The following INTS9 variants were observed in gnomAD, a reference collection of about 807,000 sequenced individuals.
INTS9 encodes the protein integrator complex subunit 9.
In INTS9, 55 loss-of-function variants were observed where a neutral mutation model predicts 79.7. The observed-to-expected ratio is 0.69, with a 90% CI of 0.56 to 0.86. The LOEUF is 0.86. Ranked by LOEUF, INTS9 falls within the 40% of genes least tolerant of loss-of-function variation. The pLI is 0.00. For missense variants in INTS9, 721 were observed against 831.5 expected (o/e 0.87, Z 1.64); for synonymous variants, 319 against 325.2 (o/e 0.98, Z 0.20).
chr8:28,787,966 G>T, intron 10 of INTS9, 77 bp from the exon 11 acceptor site: 1 of 917,684 alleles, frequency 1.1e-6, no homozygotes, highest in Non-Finnish European at 1.7e-6. Context: ...TGGCAGCAGT[G>T]CAAATATTAA....
chr8:28,883,545 C>G (rs1416911956), intron 1 of INTS9, among the ~76,000 whole-genome samples: 1 of 152,120 alleles, frequency 6.6e-6, no homozygotes, highest in African/African-American at 2.4e-5. Flanking sequence ...AGCAATTTGG[C>G]CTTATCTGTT....
intron 5 of INTS9, 58 bp downstream of exon 5, chr8:28,837,579 T>C (rs891993300): frequency 1.3e-6 from 2 of 1,573,880 alleles, no homozygotes; most frequent in African/African-American, 1.4e-5. Context: ...GATAGCGTCA[T>C]CACTGAGGGA....
intron 1 of INTS9, among the ~76,000 whole-genome samples, chr8:28,860,504 T>G (rs1414721069): frequency 6.7e-6 from 1 of 149,364 alleles, no homozygotes; most frequent in Non-Finnish European, 1.5e-5. Flanking sequence ...TGAGATGGAG[T>G]CTCACTCTGT....
intron 13 of INTS9, 56 bp downstream of exon 13, chr8:28,777,773 T>G: frequency 2.5e-5 from 38 of 1,535,514 alleles, no homozygotes; most frequent in Non-Finnish European, 3.1e-5. Flanking sequence ...CACACAAGCA[T>G]GAGCCACACC....
intron 8 of INTS9, among the ~76,000 whole-genome samples, chr8:28,802,439 CAT>C (rs1196457279): frequency 6.6e-6 from 1 of 152,218 alleles, no homozygotes; most frequent in Non-Finnish European, 1.5e-5. Context: ...CCTTCTCCCT[CAT>C]AGACCCAAGG....
At chr8:28,772,806 CAAAAAAA>C (rs1269687377) in intron 14 of INTS9, among the ~76,000 whole-genome samples, 2 of 149,776 alleles carry the variant, frequency 1.3e-5, no homozygotes, top group Non-Finnish European at 3.0e-5. Context: ...GACTCCGTCT[CAAAAAAA>C]GAAAAAAAAA....
intron 2 of INTS9, among the ~76,000 whole-genome samples, chr8:28,855,167 CAG>C (rs1235393108): frequency 2.0e-5 from 3 of 152,180 alleles, no homozygotes; most frequent in Non-Finnish European, 4.4e-5. Flanking sequence ...GATGATCTCA[CAG>C]AGTCTTCCAA....
At chr8:28,801,814 T>C (rs1012918152) in intron 8 of INTS9, among the ~76,000 whole-genome samples, 2 of 152,114 alleles carry the variant, frequency 1.3e-5, no homozygotes, top group Non-Finnish European at 2.9e-5. Context: ...AGTTTTACCA[T>C]GTTGCCCAGC....
chr8:28,876,389 A>T (rs1428612531), intron 1 of INTS9, among the ~76,000 whole-genome samples: 1 of 152,224 alleles, frequency 6.6e-6, no homozygotes, highest in African/African-American at 2.4e-5. Context: ...ACTGCCTAGG[A>T]CACACAATAA....
chr8:28,771,287 C>T (rs1802524282), intron 14 of INTS9: 2 of 589,916 alleles, frequency 3.4e-6, no homozygotes, highest in African/African-American at 3.7e-5. Flanking sequence ...TTACTTCACC[C>T]TCATCCCCTC....
At chr8:28,888,347 T>A (rs1462194826) in intron 1 of INTS9, among the ~76,000 whole-genome samples, 1 of 151,970 alleles carries the variant, frequency 6.6e-6, no homozygotes, top group African/African-American at 2.4e-5. Flanking sequence ...AACCCAGGAG[T>A]TTGAGACCAG....
chr8:28,868,920 G>A (rs958854465), intron 1 of INTS9, among the ~76,000 whole-genome samples: 7 of 152,022 alleles, frequency 4.6e-5, no homozygotes, highest in African/African-American at 1.4e-4. Flanking sequence ...CCAACATGGC[G>A]AAACCCCGTC....
At chr8:28,846,058 A>G (rs1162019723) in intron 4 of INTS9, among the ~76,000 whole-genome samples, 1 of 152,184 alleles carries the variant, frequency 6.6e-6, no homozygotes, top group Non-Finnish European at 1.5e-5. Context: ...GGGCATGAGG[A>G]AAAAAGAGGA....
At chr8:28,878,632 T>G (rs1299501603) in intron 1 of INTS9, among the ~76,000 whole-genome samples, 1 of 151,030 alleles carries the variant, frequency 6.6e-6, no homozygotes, top group East Asian at 2.0e-4. Flanking sequence ...TTCACTGTTT[T>G]TTTTTTTTTA....
chr8:28,784,125 A>T (rs535322690), intron 11 of INTS9: 1 of 152,312 alleles, frequency 6.6e-6, no homozygotes, highest in South Asian at 2.1e-4. Context: ...ACCGTTTCTC[A>T]TGGGCATTGG....
intron 9 of INTS9, among the ~76,000 whole-genome samples, chr8:28,796,335 ATATC>A (rs1563256960): frequency 6.6e-6 from 1 of 151,986 alleles, no homozygotes; most frequent in Non-Finnish European, 1.5e-5. Flanking sequence ...ACATTCATAC[ATATC>A]TATCTGTTCA....
chr8:28,881,438 GC>G (rs1809793506), intron 1 of INTS9, among the ~76,000 whole-genome samples: 8 of 142,062 alleles, frequency 5.6e-5, no homozygotes, highest in Non-Finnish European at 1.2e-4. Context: ...GGGGGGGTCA[GC>G]CCCCCGCCCG....
intron 8 of INTS9, among the ~76,000 whole-genome samples, chr8:28,797,214 CG>C (rs1804272650): frequency 1.3e-5 from 2 of 152,132 alleles, no homozygotes; most frequent in South Asian, 4.1e-4. Flanking sequence ...GAGAAGCATA[CG>C]TTATAGAATT....
At chr8:28,799,084 C>T (rs941564874) in intron 8 of INTS9, among the ~76,000 whole-genome samples, 1 of 152,172 alleles carries the variant, frequency 6.6e-6, no homozygotes, top group African/African-American at 2.4e-5. Flanking sequence ...ATCACGAGGT[C>T]AGGCGTTCGA....
Sources: allele counts gnomAD v4.1 joint callset (sites outside exome capture counted in the v4.1 genomes callset), GRCh38; gene constraint gnomAD v4.1.1; transcripts MANE v1.5; gene names NCBI Gene and HGNC (gene_info 2026-07-23, HGNC 2026-07-21).